The following AUTS2 variants were observed in gnomAD, a reference collection of about 807,000 sequenced individuals.
AUTS2 encodes activator of transcription and developmental regulator AUTS2, also known as autism susceptibility gene 2 protein.
A neutral mutation model predicts 112.4 loss-of-function variants in AUTS2; 17 were observed. That is an observed-to-expected ratio of 0.15 (90% CI 0.10 to 0.23). AUTS2 has a LOEUF of 0.23. AUTS2 is among the 10% of genes least tolerant of loss of function. AUTS2 has a pLI of 1.00. For missense variants in AUTS2, 1,510 were observed against 1,701.6 expected, an observed-to-expected ratio of 0.89 and a Z score of 1.98; for synonymous variants, 751 against 702.7, an observed-to-expected ratio of 1.07 and a Z score of -1.09.
chr7:70,058,086 C>T (rs999386535), intron 2 of AUTS2, among the ~76,000 whole-genome samples: 2 of 152,150 alleles, frequency 1.3e-5, no homozygotes, highest in African/African-American at 4.8e-5. Context: ...GACAATACCT[C>T]CTATATTTTG....
At chr7:69,981,604 T>C (rs1798297370) in intron 2 of AUTS2, among the ~76,000 whole-genome samples, 1 of 152,238 alleles carries the variant, frequency 6.6e-6, no homozygotes, top group African/African-American at 2.4e-5. Context: ...GAGTTCATTA[T>C]GGGCTTTCAG....
chr7:70,601,741 C>T (rs1024025659), intron 5 of AUTS2, among the ~76,000 whole-genome samples: 1 of 152,026 alleles, frequency 6.6e-6, no homozygotes, highest in African/African-American at 2.4e-5. Context: ...TTATGGGTTA[C>T]ACACACCTGT....
At chr7:69,652,750 C>A (rs184121450) in intron 1 of AUTS2, among the ~76,000 whole-genome samples, 1 of 152,048 alleles carries the variant, frequency 6.6e-6, no homozygotes, top group East Asian at 1.9e-4. Flanking sequence ...AAATTTAGAC[C>A]ATGTAGGTCT....
chr7:70,111,649 T>C (rs1308357257), intron 2 of AUTS2, among the ~76,000 whole-genome samples: 1 of 152,184 alleles, frequency 6.6e-6, no homozygotes, highest in East Asian at 1.9e-4. Context: ...TTCAGATTTT[T>C]GCAGCTTTTT....
intron 2 of AUTS2, among the ~76,000 whole-genome samples, chr7:70,028,438 T>C (rs1011117311): frequency 7.2e-5 from 11 of 152,166 alleles, no homozygotes; most frequent in African/African-American, 2.7e-4. Context: ...TTACTTTTTC[T>C]TATAGATCAT....
intron 1 of AUTS2, among the ~76,000 whole-genome samples, chr7:69,793,756 A>T (rs975839836): frequency 6.6e-6 from 1 of 151,994 alleles, no homozygotes; most frequent in African/African-American, 2.4e-5. Context: ...TTAAACATTT[A>T]AAAACATTAA....
At chr7:70,671,089 T>G (rs1807613012) in intron 5 of AUTS2, among the ~76,000 whole-genome samples, 4 of 152,160 alleles carry the variant, frequency 2.6e-5, no homozygotes. Context: ...GGATAATTGC[T>G]TGAACCTGGT....
At position 70,170,089 on chromosome 7, in the gene AUTS2, TA is replaced by T. The variant is rs997572282; in HGVS notation, c.660+35529del. 3.8e-3 allele frequency among the ~76,000 whole-genome samples: 537 copies of T among 142,036 alleles called. 4 individuals are homozygous for T. Among genetic ancestry groups the T allele is most frequent in the Middle Eastern group, 0.014 (4 of 284 alleles). The allele number at this position is 142,036 out of a possible 152,430, so 93.2% of individuals were successfully genotyped here. On this transcript the variant is annotated intron_variant, in intron 4 of 18. Coordinates refer to ENST00000342771, the MANE Select transcript of AUTS2 (RefSeq NM_015570.4). The stretch of plus-strand genomic sequence containing the variant: ...TCAAATAATAGAGGTTTTTTTTTAT[TA>T]AAAAAAAAAACTCACAAAATCTTTG...
chr7:69,903,100 A>G (rs946388691), intron 2 of AUTS2, among the ~76,000 whole-genome samples: 2 of 152,196 alleles, frequency 1.3e-5, no homozygotes, highest in Non-Finnish European at 2.9e-5. Context: ...TTTATCATTT[A>G]CTTACAAGGA....
chr7:69,678,208 C>T (rs547217569), intron 1 of AUTS2, among the ~76,000 whole-genome samples: 7 of 152,104 alleles, frequency 4.6e-5, no homozygotes, highest in Non-Finnish European at 1.0e-4. Context: ...CTCATGCAAG[C>T]ATTTCTTGGA....
chr7:70,466,739 T>C (rs775340067), intron 5 of AUTS2, among the ~76,000 whole-genome samples: 1 of 152,210 alleles, frequency 6.6e-6, no homozygotes, highest in Non-Finnish European at 1.5e-5. Context: ...AAGTAACAGA[T>C]TGTGTGCGTG....
chr7:70,614,544 C>T (rs1170536455), intron 5 of AUTS2, among the ~76,000 whole-genome samples: 1 of 152,158 alleles, frequency 6.6e-6, no homozygotes, highest in African/African-American at 2.4e-5. Flanking sequence ...TTCCTTCCTG[C>T]GGCAGGGATT....
chr7:69,612,604 C>T (rs563868244), intron 1 of AUTS2, among the ~76,000 whole-genome samples: 4 of 152,128 alleles, frequency 2.6e-5, no homozygotes, highest in East Asian at 1.9e-4. Flanking sequence ...GGACCACAGG[C>T]GCGTCTCACC....
chr7:70,626,866 T>G (rs748344892), intron 5 of AUTS2, among the ~76,000 whole-genome samples: 1 of 152,222 alleles, frequency 6.6e-6, no homozygotes, highest in African/African-American at 2.4e-5. Context: ...TCTGGCTGCA[T>G]AGTATTCCAT....
chr7:69,698,807 G>A (rs1797673387), intron 1 of AUTS2, among the ~76,000 whole-genome samples: 1 of 152,116 alleles, frequency 6.6e-6, no homozygotes, highest in African/African-American at 2.4e-5. Context: ...GAACTTTTAA[G>A]TGCTAAAACT....
intron 4 of AUTS2, among the ~76,000 whole-genome samples, chr7:70,340,374 A>G (rs1791210360): frequency 6.6e-6 from 1 of 152,146 alleles, no homozygotes; most frequent in Non-Finnish European, 1.5e-5. Flanking sequence ...TTGTTTCTGA[A>G]CCCTAACAAT....
chr7:70,397,654 T>C (rs1442519659), intron 4 of AUTS2, among the ~76,000 whole-genome samples: 1 of 146,228 alleles, frequency 6.8e-6, no homozygotes. Flanking sequence ...TCCTTACATG[T>C]ATGTACACAC....
rs140129605 is a variant in AUTS2, at chr7:70,489,393, C to T, written c.690+53612C>T. Among the ~76,000 whole-genome samples the T allele has an allele frequency of 6.2e-3, 944 of 152,242 alleles. 39 individuals carry two copies. The highest frequency in any genetic ancestry group is 0.049 in the Admixed American group (746 of 15,294). On this transcript the variant is annotated intron_variant, in intron 5 of 18. Coordinates refer to ENST00000342771, the MANE Select transcript of AUTS2 (RefSeq NM_015570.4). ...GTCATCAATATCCCTAAACCAAGAG[C>T]CTCATCATACAGTCCCATCAATGTT...
intron 1 of AUTS2, among the ~76,000 whole-genome samples, chr7:69,810,497 T>A (rs1247227773): frequency 6.6e-6 from 1 of 152,008 alleles, no homozygotes; most frequent in Non-Finnish European, 1.5e-5. Context: ...AAGATCCTTG[T>A]CTCCGGGAGC....
Sources: allele counts gnomAD v4.1 joint callset (sites outside exome capture counted in the v4.1 genomes callset), GRCh38; gene constraint gnomAD v4.1.1; transcripts MANE v1.5; gene names NCBI Gene and HGNC (gene_info 2026-07-23, HGNC 2026-07-21).